The following PITPNM2 variants were observed in gnomAD, a reference collection of about 807,000 sequenced individuals.
PITPNM2 encodes membrane-associated phosphatidylinositol transfer protein 2.
Under a neutral mutation model 132.2 loss-of-function variants are expected in PITPNM2, and 35 were observed. The ratio of observed to expected loss-of-function variants is 0.26; its 90% CI spans 0.20 to 0.35. PITPNM2 has a LOEUF of 0.35. Ranked by LOEUF, PITPNM2 falls within the 10% of genes least tolerant of loss-of-function variation. PITPNM2 has a pLI of 1.00. For synonymous variants in PITPNM2, 738 were observed against 799.2 expected, an observed-to-expected ratio of 0.92 and a Z score of 1.29; for missense variants, 1,332 against 1,912.0, an observed-to-expected ratio of 0.70 and a Z score of 5.66.
chr12:123,005,245 C>G lies in PITPNM2; in HGVS notation c.947G>C (p.Arg316Pro), dbSNP rs143481396. 1.2e-6 allele frequency: 2 copies of G among 1,611,196 alleles called. No homozygotes were observed. Among genetic ancestry groups the G allele is most frequent in the Non-Finnish European group, 1.7e-6 (2 of 1,178,112 alleles). ...TSSKSSRSSKRGASPSRHSIS... is the reference protein window; with the variant it reads ...TSSKSSRSSKPGASPSRHSIS... ...CAGGTGGCGCAGGGCCTTACCTCCC[C>G]GCTTGGACGACCGAGACGACTTGGA... The change falls in exon 7 of 26, where the codon CGG becomes CCG. Residue 316 changes from arginine to proline, a missense_variant. Arg to Pro is a moderately radical substitution (Grantham distance 103). Around this residue, in one of 6 missense-constraint regions of PITPNM2, gnomAD observed 710 missense variants for 911.5 expected, o/e 0.78. Coordinates refer to ENST00000320201, the MANE Select transcript of PITPNM2 (RefSeq NM_020845.3). This position sits in a 1 kb window ranked among gnomAD's most constrained non-coding sequence, Gnocchi z 6.2.
chr12:123,020,267 C>T (rs988701873), intron 3 of PITPNM2, among the ~76,000 whole-genome samples: 2 of 151,788 alleles, frequency 1.3e-5, no homozygotes, highest in African/African-American at 2.4e-5. Context: ...ATTATAGTCA[C>T]GCGCCACCAC....
At chr12:123,145,196 C>A (rs2043589853) in intron 1 of PITPNM2, among the ~76,000 whole-genome samples, 1 of 152,036 alleles carries the variant, frequency 6.6e-6, no homozygotes, top group Non-Finnish European at 1.5e-5. Context: ...AAAAGAAGAA[C>A]CTAACTATGG....
chr12:123,150,720 G>C lies in PITPNM2; in HGVS notation c.-200+33C>G, dbSNP rs1436134461. On this transcript the variant is annotated intron_variant, in intron 1 of 25. Transcript: ENST00000320201. The surrounding 1 kb of genome is among the most constrained non-coding windows in gnomAD (Gnocchi z 6.0). ...CGCCCGGCACTGCGGGACTCACCGC[G>C]GGCCTGCGGAGCGGCCGCCCGGACG... Among the ~76,000 whole-genome samples, 1 of 150,604 alleles carries C rather than the reference G, an allele frequency of 6.6e-6. No individual in the cohort carries two copies.
At chr12:123,123,959 T>A (rs1226430890) in intron 1 of PITPNM2, among the ~76,000 whole-genome samples, 1 of 150,168 alleles carries the variant, frequency 6.7e-6, no homozygotes, top group Non-Finnish European at 1.5e-5. Flanking sequence ...AATTAAAATT[T>A]AAAATTTAAA....
intron 3 of PITPNM2, among the ~76,000 whole-genome samples, chr12:123,018,908 C>T (rs896687638): frequency 6.6e-6 from 1 of 151,638 alleles, no homozygotes; most frequent in African/African-American, 2.4e-5. Flanking sequence ...CTCAGCTGAC[C>T]AAGTAGCTGG....
rs962813650 is a variant in PITPNM2, at chr12:122,983,795, A to C, written c.*2232T>G. 2 of 152,616 alleles carry C rather than the reference A, an allele frequency of 1.3e-5. No individual in the cohort carries two copies. The highest frequency in any genetic ancestry group is 1.5e-5 in the Non-Finnish European group (1 of 68,050). 9.5% of individuals were successfully genotyped at this position (152,616 alleles called of 1,614,324 possible). ...TGGTGGGAGTGGGACTAAGGCTTCT[A>C]TTCTAACAGGCCTGGGGGGTGGCAG... On this transcript the variant is annotated 3_prime_UTR_variant, in exon 26 of 26. Coordinates refer to ENST00000320201, the MANE Select transcript of PITPNM2 (RefSeq NM_020845.3).
Position 122,986,156 on chromosome 12 carries a change from C to T in PITPNM2, c.3921G>A (p.Arg1307=). ...ISAQPSGPSH[R]HERTQSQADG... The stretch of plus-strand genomic sequence containing the variant: ...CCGCCTGGCTCTGTGTCCGCTCGTG[C>T]CGGTGGCTGGGCCCGCTGGGCTGGG... The change falls in exon 26 of 26, where the codon CGG becomes CGA. Residue 1307 remains arginine (R), a synonymous_variant. Coordinates refer to ENST00000320201, the MANE Select transcript of PITPNM2 (RefSeq NM_020845.3). 6.5e-7 allele frequency: 1 copy of T among 1,533,250 alleles called. No individual in the cohort carries two copies. The allele number at this position is 1,533,250 out of a possible 1,614,324, so 95.0% of individuals were successfully genotyped here.
chr12:123,001,068 G>T lies in PITPNM2; in HGVS notation c.1139C>A (p.Pro380Gln). 2.5e-6 allele frequency: 4 copies of T among 1,614,104 alleles called. No individual in the cohort carries two copies. The highest frequency in any genetic ancestry group is 3.4e-6 in the Non-Finnish European group (4 of 1,179,958). Residue 380 changes from proline to glutamine, a missense_variant, in exon 9 of 26, where the codon CCG becomes CAG. By Grantham distance (76) the Pro-to-Gln change is moderately conservative. Transcript: ENST00000320201. ...GACCTGCTGACCTTGTGTGTCTTCCGGCTCTGGGCTCTCGATCTTGTCCAT... is the reference window on the plus strand; with the variant it reads ...GACCTGCTGACCTTGTGTGTCTTCCTGCTCTGGGCTCTCGATCTTGTCCAT... ...DLMDKIESPE[P>Q]EDTQDGLYRQ...
chr12:123,134,571 T>C (rs2043335175), intron 1 of PITPNM2, among the ~76,000 whole-genome samples: 1 of 151,920 alleles, frequency 6.6e-6, no homozygotes, highest in African/African-American at 2.4e-5. Context: ...GAGGCTCCTC[T>C]CAAGCCTTGA....
chr12:123,042,724 A>G (rs1004108894), intron 2 of PITPNM2, among the ~76,000 whole-genome samples: 1 of 152,092 alleles, frequency 6.6e-6, no homozygotes, highest in African/African-American at 2.4e-5. Context: ...CTGCTTCCCA[A>G]ACCTACTGGT....
At chr12:122,991,862 T>C (rs905441690) in intron 16 of PITPNM2, 5 of 1,309,504 alleles carry the variant, frequency 3.8e-6, no homozygotes, top group Non-Finnish European at 4.9e-6. Flanking sequence ...GGGGCCGCCC[T>C]CCAGGACCAG....
intron 1 of PITPNM2, among the ~76,000 whole-genome samples, chr12:123,132,525 T>A (rs2043289224): frequency 1.3e-5 from 2 of 150,846 alleles, no homozygotes; most frequent in Admixed American, 1.3e-4. Flanking sequence ...CTTTCCCTTT[T>A]TTTTTTTTTA....
intron 2 of PITPNM2, among the ~76,000 whole-genome samples, chr12:123,063,256 T>G (rs1180986202): frequency 1.3e-5 from 2 of 152,238 alleles, no homozygotes; most frequent in Non-Finnish European, 2.9e-5. Flanking sequence ...GGGGCAGGTA[T>G]GCCAGGCAGA....
chr12:122,996,430 G>A (rs753406926), intron 13 of PITPNM2, 28 bp downstream of exon 13: 1 of 1,612,032 alleles, frequency 6.2e-7, no homozygotes, highest in Admixed American at 1.7e-5. Flanking sequence ...TCAGGCCTTG[G>A]GGACTGTCTG....
chr12:123,053,961 T>C (rs535002859), intron 2 of PITPNM2, among the ~76,000 whole-genome samples: 1 of 152,344 alleles, frequency 6.6e-6, no homozygotes, highest in South Asian at 2.1e-4. Context: ...GTGCAGTGTG[T>C]GCATGTATTA....
chr12:123,036,308 G>A lies in PITPNM2; in HGVS notation c.-95-1623C>T, dbSNP rs2040265404. On this transcript the variant is annotated intron_variant, in intron 2 of 25. Coordinates refer to ENST00000320201, the MANE Select transcript of PITPNM2 (RefSeq NM_020845.3). The surrounding 1 kb of genome is among the most constrained non-coding windows in gnomAD (Gnocchi z 4.1). ...AGCCACTTAGGGAGAAAGACAGAGA[G>A]AGGAAAGGTCTGATAAAGGGGCTCC... Among the ~76,000 whole-genome samples, 1 of 152,198 alleles carries A rather than the reference G, an allele frequency of 6.6e-6. No individual in the cohort carries two copies. Among genetic ancestry groups the A allele is most frequent in the Non-Finnish European group, 1.5e-5 (1 of 68,036 alleles).
rs780199803 is a variant in PITPNM2, at chr12:123,077,930, C to T, written c.-96+32455G>A. 2.2e-4 allele frequency among the ~76,000 whole-genome samples: 33 copies of T among 152,316 alleles called. No individual in the cohort carries two copies. The highest frequency in any genetic ancestry group is 2.2e-3 in the Admixed American group (33 of 15,308). On this transcript the variant is annotated intron_variant, in intron 2 of 25. Transcript: ENST00000320201. The surrounding 1 kb of genome is among the most constrained non-coding windows in gnomAD (Gnocchi z 4.8). ...AGGTCCGCTGAGCTCCCCATGCTGCCGGCCTCAGGGGGCCGCCCCCAGCAC... is the reference window on the plus strand; with the variant it reads ...AGGTCCGCTGAGCTCCCCATGCTGCTGGCCTCAGGGGGCCGCCCCCAGCAC...
In PITPNM2 at chr12:123,034,423, A is replaced by G. The variant is rs537732786; in HGVS notation, c.78+90T>C. On this transcript the variant is annotated intron_variant, in intron 3 of 25. Coordinates refer to ENST00000320201, the MANE Select transcript of PITPNM2 (RefSeq NM_020845.3). ...TTCTGGGGCAGGCACTGCACTGTGA[A>G]GGCCACAACTCCACCTAACCCACAT... The G allele has an allele frequency of 1.5e-5, 18 of 1,241,242 alleles. No homozygotes were observed. In the East Asian group the frequency reaches 3.5e-4, roughly 24 times the overall value. 76.9% of individuals were successfully genotyped at this position (1,241,242 alleles called of 1,614,324 possible).
intron 5 of PITPNM2, chr12:123,010,820 G>C (rs547491703): frequency 6.5e-6 from 1 of 154,932 alleles, no homozygotes; most frequent in Non-Finnish European, 1.5e-5. Context: ...TGGCCTGTTG[G>C]AAAAGCCTTC....
Sources: allele counts gnomAD v4.1 joint callset (sites outside exome capture counted in the v4.1 genomes callset), GRCh38; gene constraint gnomAD v4.1.1; regional missense constraint gnomAD v4.1.1; non-coding constraint Gnocchi (gnomAD v3.1); transcripts MANE v1.5; gene names NCBI Gene and HGNC (gene_info 2026-07-23, HGNC 2026-07-21).